The following GPR107 variants were observed in gnomAD, a reference collection of about 807,000 sequenced individuals.
GPR107 encodes G protein-coupled receptor 107.
In GPR107, 31 loss-of-function variants were observed where a neutral mutation model predicts 75.5. The ratio of observed to expected loss-of-function variants is 0.41; its 90% confidence interval spans 0.31 to 0.55. The LOEUF (loss-of-function observed/expected upper bound fraction) is 0.55. Among genes scored for constraint, GPR107 ranks in the 20% least tolerant of loss-of-function variants. The pLI, the probability that GPR107 is intolerant of heterozygous loss-of-function variation, is 0.26. For missense variants in GPR107, 572 were observed against 665.7 expected, an observed-to-expected ratio of 0.86 and a Z score of 1.55; for synonymous variants, 267 against 251.3, an observed-to-expected ratio of 1.06 and a Z score of -0.59.
intron 6 of GPR107, among the ~76,000 whole-genome samples, chr9:130,085,771 T>G (rs368757417): frequency 7.5e-6 from 1 of 133,416 alleles, no homozygotes; most frequent in Non-Finnish European, 1.7e-5. Context: ...TTTTTTTTTT[T>G]GCCGGGGGGA....
At chr9:130,126,056 C>CAAAAAA (rs569390895) in intron 15 of GPR107, among the ~76,000 whole-genome samples, 1 of 113,406 alleles carries the variant, frequency 8.8e-6, no homozygotes, top group African/African-American at 3.4e-5. Flanking sequence ...GACTCTGTCT[C>CAAAAAA]AAAAAAAAAA....
intron 6 of GPR107, among the ~76,000 whole-genome samples, chr9:130,085,482 G>C (rs999918358): frequency 2.0e-5 from 3 of 152,182 alleles, no homozygotes; most frequent in Admixed American, 1.3e-4. Flanking sequence ...GATATGTAAA[G>C]CAGCAATCTG....
chr9:130,091,102 T>C (rs964890790), intron 8 of GPR107, 119 bp downstream of exon 8: 118 of 647,684 alleles, frequency 1.8e-4, no homozygotes. Context: ...AGACACACAT[T>C]CCTGCCACTG....
rs139366439 is a variant in GPR107 at position 130,117,192 on chromosome 9, G to A, written c.1307-7723G>A. Among the ~76,000 whole-genome samples, 827 of 152,152 alleles carry A rather than the reference G, an allele frequency of 5.4e-3. 12 individuals are homozygous for A. The highest frequency in any genetic ancestry group is 0.018 in the African/African-American group (765 of 41,512). ...AAATTCCTGACCTCAGGTGATCGGC[G>A]CTCCTCAGCCACCCATAGTGCTGAG... On this transcript the variant is annotated intron_variant, in intron 14 of 17. Transcript: ENST00000347136.
intron 17 of GPR107, among the ~76,000 whole-genome samples, chr9:130,131,663 G>A (rs554772449): frequency 3.6e-4 from 55 of 151,518 alleles, no homozygotes; most frequent in African/African-American, 1.3e-3. Flanking sequence ...CACCAAGCTC[G>A]CCCCTCCCCA....
chr9:130,063,481 T>C (rs1013774935), intron 1 of GPR107, among the ~76,000 whole-genome samples: 1 of 152,200 alleles, frequency 6.6e-6, no homozygotes, highest in South Asian at 2.1e-4. Flanking sequence ...TGAGCCACCG[T>C]ACCCGGCTAT....
At chr9:130,114,816 G>A (rs903254654) in intron 14 of GPR107, among the ~76,000 whole-genome samples, 3 of 152,216 alleles carry the variant, frequency 2.0e-5, no homozygotes, top group African/African-American at 7.2e-5. Context: ...TAGAGATGAG[G>A]CTTGTTGAGT....
At chr9:130,090,342 G>T (rs1830704197) in intron 7 of GPR107, among the ~76,000 whole-genome samples, 1 of 152,162 alleles carries the variant, frequency 6.6e-6, no homozygotes, top group Admixed American at 6.5e-5. Flanking sequence ...AACCATAGTT[G>T]TAAATTTTGA....
At chr9:130,099,809 G>GT (rs1333722805) in intron 10 of GPR107, among the ~76,000 whole-genome samples, 4 of 104,148 alleles carry the variant, frequency 3.8e-5, no homozygotes, top group East Asian at 5.8e-4. Context: ...TTTTTGGTTT[G>GT]TTTTGTTTTT....
intron 1 of GPR107, among the ~76,000 whole-genome samples, chr9:130,055,527 C>CA (rs60907055): frequency 6.5e-5 from 7 of 108,054 alleles, no homozygotes; most frequent in Admixed American, 9.0e-5. Flanking sequence ...GACTCCGTCT[C>CA]AAAAAAAAAA....
intron 5 of GPR107, among the ~76,000 whole-genome samples, chr9:130,080,652 C>T (rs1182570803): frequency 5.3e-5 from 8 of 151,446 alleles, no homozygotes; most frequent in Non-Finnish European, 7.4e-5. Flanking sequence ...CCACCATGCC[C>T]GGCTAATTTT....
chr9:130,055,295 A>C (rs1030912080), intron 1 of GPR107, among the ~76,000 whole-genome samples: 1 of 106,110 alleles, frequency 9.4e-6, no homozygotes, highest in African/African-American at 3.3e-5. Context: ...GTGAAACCCT[A>C]TCTCTACTAA....
chr9:130,132,325 C>T (rs1831847164), intron 17 of GPR107, among the ~76,000 whole-genome samples: 1 of 152,180 alleles, frequency 6.6e-6, no homozygotes, highest in Non-Finnish European at 1.5e-5. Flanking sequence ...TTTTCTCACT[C>T]CCCAGGGCAG....
At chr9:130,100,484 C>T (rs1830996381) in intron 10 of GPR107, 145 bp from the exon 11 acceptor site, 1 of 669,832 alleles carries the variant, frequency 1.5e-6, no homozygotes, top group Admixed American at 2.2e-5. Flanking sequence ...AAGTGGCCTC[C>T]TTGGAAAAGG....
chr9:130,095,279 G>T (rs1443298099), intron 9 of GPR107, among the ~76,000 whole-genome samples: 1 of 152,110 alleles, frequency 6.6e-6, no homozygotes, highest in Non-Finnish European at 1.5e-5. Context: ...CAAACATGAG[G>T]TGTTTATAAA....
intron 16 of GPR107, among the ~76,000 whole-genome samples, 161 bp from the exon 17 acceptor site, chr9:130,128,479 G>A (rs1316614205): frequency 1.3e-5 from 2 of 152,180 alleles, no homozygotes; most frequent in East Asian, 1.9e-4. Flanking sequence ...TTTAGGCCTC[G>A]GCAAGTCTAA....
chr9:130,059,733 C>CTTTTTTT (rs61429853), intron 1 of GPR107, among the ~76,000 whole-genome samples: 1 of 144,576 alleles, frequency 6.9e-6, no homozygotes, highest in African/African-American at 2.6e-5. Context: ...GTTAATACGT[C>CTTTTTTT]TTTTTTTTTT....
In GPR107 at chr9:130,112,723, G is replaced by A. The variant is rs185908561; in HGVS notation, c.1306+5184G>A. On this transcript the variant is annotated intron_variant, in intron 14 of 17. Transcript: ENST00000347136. This position sits in a 1 kb window ranked among gnomAD's most constrained non-coding sequence, Gnocchi z 4.0. Reference sequence around the variant, plus strand: ...GTTTGAATTGCAAGCTGAACTAGCTGCTTTTATTTTATTTTTTTGTTGTTT... The same window carrying A: ...GTTTGAATTGCAAGCTGAACTAGCTACTTTTATTTTATTTTTTTGTTGTTT... 6.6e-6 allele frequency among the ~76,000 whole-genome samples: 1 copy of A among 152,122 alleles called. No individual in the cohort carries two copies. The highest frequency in any genetic ancestry group is 1.9e-4 in the East Asian group (1 of 5,168).
intron 13 of GPR107, among the ~76,000 whole-genome samples, chr9:130,106,653 C>T (rs762729268): frequency 8.6e-5 from 13 of 151,414 alleles, no homozygotes; most frequent in Admixed American, 3.3e-4. Flanking sequence ...GTAAATATCC[C>T]GATTCAGCCA....
Sources: allele counts gnomAD v4.1 joint callset (sites outside exome capture counted in the v4.1 genomes callset), GRCh38; gene constraint gnomAD v4.1.1; non-coding constraint Gnocchi (gnomAD v3.1); transcripts MANE v1.5; gene names NCBI Gene and HGNC (gene_info 2026-07-23, HGNC 2026-07-21).